Variants in VTI1A observed in about 807,000 individuals in gnomAD.
The protein encoded by VTI1A is vesicle transport through interaction with t-SNAREs homolog 1A.
In VTI1A, 22 loss-of-function variants were observed where a neutral mutation model predicts 34.9. The ratio of observed to expected loss-of-function variants is 0.63; its 90% confidence interval spans 0.45 to 0.90. The LOEUF (loss-of-function observed/expected upper bound fraction) is 0.90, where lower values mean the gene tolerates loss of function less well. VTI1A is among the 40% of genes least tolerant of loss of function. The probability of loss-of-function intolerance (pLI) is 0.00; values close to 1 mark genes in which losing one functional copy is unlikely to be tolerated. For missense variants in VTI1A, 268 were observed against 275.6 expected, an observed-to-expected ratio of 0.97 and a Z score of 0.20; for synonymous variants, 87 against 97.3, an observed-to-expected ratio of 0.89 and a Z score of 0.62.
chr10:112,613,862 A>T (rs1845410914), intron 5 of VTI1A, among the ~76,000 whole-genome samples: 1 of 152,194 alleles, frequency 6.6e-6, no homozygotes, highest in Non-Finnish European at 1.5e-5. Flanking sequence ...GATACTGTAC[A>T]TGCGAGTCTG....
intron 3 of VTI1A, among the ~76,000 whole-genome samples, chr10:112,523,205 C>T (rs952406179): frequency 6.6e-6 from 1 of 152,014 alleles, no homozygotes; most frequent in African/African-American, 2.4e-5. Context: ...TGTTTCAAGC[C>T]AAATTTCCAG....
At chr10:112,847,815 T>G in the VTI1A span, among the ~76,000 whole-genome samples, 1 of 152,206 alleles carries the variant, frequency 6.6e-6, no homozygotes, top group African/African-American at 2.4e-5. Flanking sequence ...GTACCCTCAT[T>G]TATTCATTCT....
intron 3 of VTI1A, among the ~76,000 whole-genome samples, chr10:112,467,998 G>A (rs1348052387): frequency 6.6e-6 from 1 of 152,164 alleles, no homozygotes; most frequent in Non-Finnish European, 1.5e-5. Context: ...ATAATTTCAG[G>A]TAGAGATACA....
rs1853319472 is a variant in VTI1A, at chr10:112,811,715, G to GAT, written c.561-3575_561-3574insAT. Among the ~76,000 whole-genome samples the GAT allele has an allele frequency of 2.4e-5, 2 of 84,098 alleles. 1 individual carries two copies. Among genetic ancestry groups the GAT allele is most frequent in the East Asian group, 6.8e-4 (2 of 2,938 alleles). The allele number at this position is 84,098 out of a possible 152,430, so 55.2% of individuals were successfully genotyped here. A position where few individuals can be genotyped will look rare whatever the true frequency, so the allele number is the denominator to read the frequency against. On this transcript the variant is annotated intron_variant, in intron 7 of 7. Coordinates refer to ENST00000393077, the MANE Select transcript of VTI1A (RefSeq NM_145206.4). Reference sequence around the variant, plus strand: ...AAAAAAAAAAAAAAAAAAAAAAAGAGTGCAGTCCATGCCTGGAAGTAGAGG... The same window carrying GAT: ...AAAAAAAAAAAAAAAAAAAAAAAGAGATTGCAGTCCATGCCTGGAAGTAGAGG...
intron 5 of VTI1A, among the ~76,000 whole-genome samples, chr10:112,636,829 A>G (rs745703347): frequency 8.5e-5 from 13 of 152,190 alleles, no homozygotes; most frequent in Non-Finnish European, 1.5e-4. Context: ...CTAGAGATCA[A>G]TTATTCTCTT....
intron 3 of VTI1A, among the ~76,000 whole-genome samples, chr10:112,483,329 A>G (rs936744894): frequency 6.6e-6 from 1 of 152,192 alleles, no homozygotes; most frequent in Non-Finnish European, 1.5e-5. Context: ...GCATGCAAAT[A>G]GTGAGGAAGA....
At chr10:112,531,493 A>AG (rs1850440338) in intron 4 of VTI1A, among the ~76,000 whole-genome samples, 1 of 152,000 alleles carries the variant, frequency 6.6e-6, no homozygotes, top group South Asian at 2.1e-4. Flanking sequence ...AAAAAAAAAA[A>AG]AAAGAAAAAA....
intron 7 of VTI1A, among the ~76,000 whole-genome samples, chr10:112,734,758 T>G (rs1336604318): frequency 1.3e-5 from 2 of 151,580 alleles, no homozygotes; most frequent in Non-Finnish European, 2.9e-5. Flanking sequence ...GTTCAAGACA[T>G]TCTCGTGCCT....
chr10:112,744,002 A>G (rs188550667), intron 7 of VTI1A, among the ~76,000 whole-genome samples: 11 of 152,354 alleles, frequency 7.2e-5, no homozygotes, highest in Admixed American at 6.5e-4. Flanking sequence ...GAAAGGAAAC[A>G]GGGATGATAT....
At chr10:112,782,940 T>C (rs11196106) in intron 7 of VTI1A, among the ~76,000 whole-genome samples, 18,960 of 152,082 alleles carry the variant, frequency 0.12, 1,883 homozygotes, top group African/African-American at 0.26. Context: ...GGTAAGAGCC[T>C]CATAAATGAA....
rs192472787 is a variant in VTI1A at position 112,688,007 on chromosome 10, G to T, written c.560+19009G>T. ...CTTGCTCTGTCACCCAGACTGGATT[G>T]CAGTGGCGCGATCTCAGCTTACTGC... is the stretch of plus-strand genomic sequence containing the variant. On this transcript the variant is annotated intron_variant, in intron 7 of 7. Transcript: ENST00000393077. Among the ~76,000 whole-genome samples, 106 of 134,956 alleles carry T rather than the reference G, an allele frequency of 7.9e-4. 1 individual carries two copies. The highest frequency in any genetic ancestry group is 2.9e-3 in the African/African-American group (102 of 34,610). 88.5% of individuals were successfully genotyped at this position (134,956 alleles called of 152,430 possible).
intron 5 of VTI1A, among the ~76,000 whole-genome samples, chr10:112,549,064 C>CA (rs1279924212): frequency 6.6e-6 from 1 of 152,072 alleles, no homozygotes; most frequent in Non-Finnish European, 1.5e-5. Context: ...CAGCAGATAC[C>CA]AGCGCTTACA....
intron 1 of VTI1A, among the ~76,000 whole-genome samples, chr10:112,458,220 A>G (rs1396064357): frequency 6.6e-6 from 1 of 152,232 alleles, no homozygotes; most frequent in Non-Finnish European, 1.5e-5. Context: ...TTTCCTATCA[A>G]CTGAATACCT....
the VTI1A span, chr10:112,824,299 G>A: frequency 6.6e-6 from 1 of 152,358 alleles, no homozygotes; most frequent in East Asian, 1.9e-4. Context: ...TTTTCGGCTG[G>A]GCACAGTGGC....
At chr10:112,547,125 C>T (rs978358290) in intron 5 of VTI1A, among the ~76,000 whole-genome samples, 1 of 151,822 alleles carries the variant, frequency 6.6e-6, no homozygotes, top group African/African-American at 2.4e-5. Context: ...ACAAAAAATA[C>T]AAAAATTAGC....
At chr10:112,582,314 A>T (rs1843981451) in intron 5 of VTI1A, among the ~76,000 whole-genome samples, 1 of 152,186 alleles carries the variant, frequency 6.6e-6, no homozygotes, top group Non-Finnish European at 1.5e-5. Context: ...CAGATATATT[A>T]CATTGGGGAT....
chr10:112,464,447 A>G (rs1564787495), intron 2 of VTI1A, 100 bp from the exon 3 acceptor site: 14 of 1,062,558 alleles, frequency 1.3e-5, no homozygotes, highest in Non-Finnish European at 1.7e-5. Context: ...TGCCTCAACT[A>G]CAAAATGAGG....
chr10:112,809,180 C>T (rs932857657), intron 7 of VTI1A, among the ~76,000 whole-genome samples: 6 of 152,194 alleles, frequency 3.9e-5, no homozygotes, highest in African/African-American at 1.4e-4. Context: ...GCATGATAAC[C>T]GCACAGCTCT....
At chr10:112,855,063 C>T in the VTI1A span, among the ~76,000 whole-genome samples, 1 of 152,190 alleles carries the variant, frequency 6.6e-6, no homozygotes, top group Non-Finnish European at 1.5e-5. Flanking sequence ...CTTCCTGCAC[C>T]AACTGGGAAG....
Sources: allele counts gnomAD v4.1 joint callset (sites outside exome capture counted in the v4.1 genomes callset), GRCh38; gene constraint gnomAD v4.1.1; transcripts MANE v1.5; gene names NCBI Gene and HGNC (gene_info 2026-07-23, HGNC 2026-07-21).